Variants in SH3RF2 observed in about 807,000 individuals in gnomAD.
SH3RF2 encodes E3 ubiquitin-protein ligase SH3RF2.
A neutral mutation model predicts 59.0 loss-of-function variants in SH3RF2; 43 were observed. That is an observed-to-expected ratio of 0.73 (90% CI 0.57 to 0.94). The LOEUF (loss-of-function observed/expected upper bound fraction) is 0.94, where lower values mean the gene tolerates loss of function less well. Ranked by LOEUF, SH3RF2 falls within the 40% of genes least tolerant of loss-of-function variation. SH3RF2 has a pLI of 0.00. For synonymous variants in SH3RF2, 391 were observed against 391.5 expected (o/e 1.00, Z 0.01); for missense variants, 930 against 940.1 (o/e 0.99, Z 0.14).
intron 9 of SH3RF2, among the ~76,000 whole-genome samples, chr5:146,074,446 A>G (rs930330398): frequency 2.6e-4 from 40 of 152,102 alleles, no homozygotes; most frequent in African/African-American, 9.7e-4. Context: ...CCCCATCTCT[A>G]CAACGAGGGA....
At chr5:146,018,134 G>A (rs1170578963) in intron 5 of SH3RF2, among the ~76,000 whole-genome samples, 1 of 152,016 alleles carries the variant, frequency 6.6e-6, no homozygotes, top group African/African-American at 2.4e-5. Flanking sequence ...GGTACAAGTG[G>A]TTTTTGGTTA....
chr5:146,013,914 CT>C lies in SH3RF2; in HGVS notation c.914del (p.Leu305Ter). 6.2e-7 allele frequency: 1 copy of C among 1,614,120 alleles called. No individual in the cohort carries two copies. Among genetic ancestry groups the C allele is most frequent in the Non-Finnish European group, 8.5e-7 (1 of 1,180,022 alleles). Reference sequence around the variant, plus strand: ...CTGGGCAGTTTTCCATCACAACAGCCTTGAACACTCTCAACCGGATGGTCCA... The same window carrying C: ...CTGGGCAGTTTTCCATCACAACAGCCTGAACACTCTCAACCGGATGGTCCA... ...VPGQFSITTA[L>X]NTLNRMVHSP... On this transcript the variant is annotated frameshift_variant, in exon 5 of 10. Transcript: ENST00000359120. LOFTEE classifies it high-confidence loss of function.
intron 5 of SH3RF2, among the ~76,000 whole-genome samples, chr5:146,028,267 A>T (rs114013444): frequency 0.28 from 42,543 of 151,070 alleles, 7,703 homozygotes; most frequent in Non-Finnish European, 0.38. Flanking sequence ...GAAGGGCAAA[A>T]GAAAGGGAAA....
chr5:146,014,156 G>A, intron 5 of SH3RF2, 95 bp downstream of exon 5: 1 of 1,356,294 alleles, frequency 7.4e-7, no homozygotes, highest in Non-Finnish European at 1.0e-6. Context: ...TACTTGCTAA[G>A]CACCCAGAAT....
intron 2 of SH3RF2, among the ~76,000 whole-genome samples, chr5:145,963,419 T>C (rs540114979): frequency 3.9e-5 from 6 of 152,268 alleles, no homozygotes; most frequent in African/African-American, 1.2e-4. Flanking sequence ...CTGGGCAATA[T>C]AGTGAGACTC....
chr5:146,023,925 G>A (rs1274070742), intron 5 of SH3RF2, among the ~76,000 whole-genome samples: 1 of 152,078 alleles, frequency 6.6e-6, no homozygotes, highest in African/African-American at 2.4e-5. Context: ...CTCATGTTGC[G>A]GTATGTATTA....
At chr5:145,944,355 T>TTA (rs1474281834) in intron 2 of SH3RF2, among the ~76,000 whole-genome samples, 2 of 147,622 alleles carry the variant, frequency 1.4e-5, no homozygotes, top group South Asian at 2.1e-4. Flanking sequence ...TTTTTTTTTT[T>TTA]AAATTATGCT....
At position 146,049,200 on chromosome 5, in the gene SH3RF2, G is replaced by A. The variant is rs757995402; in HGVS notation, c.1277G>A (p.Gly426Glu). The A allele has an allele frequency of 6.2e-7, 1 of 1,613,822 alleles. No homozygotes were observed. The highest frequency in any genetic ancestry group is 8.5e-7 in the Non-Finnish European group (1 of 1,179,892). Reference sequence around the variant, plus strand: ...CTCAGGGGCGTCTCCTTGGTCACCGGGCGAGTCGGCATCTTCCCAAACAAT... The same window carrying A: ...CTCAGGGGCGTCTCCTTGGTCACCGAGCGAGTCGGCATCTTCCCAAACAAT... ...GWLRGVSLVT[G>E]RVGIFPNNYV... Residue 426 changes from glycine (G) to glutamate (E), a missense_variant, in exon 7 of 10, where the codon GGG becomes GAG. Coordinates refer to ENST00000359120, the MANE Select transcript of SH3RF2 (RefSeq NM_152550.4).
chr5:146,032,238 A>G (rs759272526), intron 5 of SH3RF2, among the ~76,000 whole-genome samples: 1 of 152,182 alleles, frequency 6.6e-6, no homozygotes, highest in African/African-American at 2.4e-5. Context: ...AGTGAAACAT[A>G]GTCTGGAAAG....
chr5:145,970,252 T>G (rs576054470), intron 2 of SH3RF2, among the ~76,000 whole-genome samples: 28 of 152,206 alleles, frequency 1.8e-4, no homozygotes, highest in South Asian at 4.2e-4. Flanking sequence ...CAATTTGTAG[T>G]TTTTTATCCT....
intron 2 of SH3RF2, among the ~76,000 whole-genome samples, chr5:145,963,716 A>T (rs1322238606): frequency 2.0e-5 from 3 of 152,116 alleles, no homozygotes; most frequent in Non-Finnish European, 4.4e-5. Context: ...GGAGACAGAG[A>T]CTGGAATTAA....
At chr5:145,956,624 C>A (rs766392589) in intron 2 of SH3RF2, among the ~76,000 whole-genome samples, 1 of 151,876 alleles carries the variant, frequency 6.6e-6, no homozygotes, top group Non-Finnish European at 1.5e-5. Flanking sequence ...GGGGAAGAAG[C>A]AAAGGGGTTA....
At chr5:146,081,324 A>G (rs1763422871) in exon 10 of SH3RF2, 1 of 152,044 alleles carries the variant, frequency 6.6e-6, no homozygotes, top group South Asian at 2.1e-4. Context: ...CTTCTAGAAG[A>G]CACCAGAAGT....
At chr5:145,982,949 CATA>C (rs1759561432) in intron 2 of SH3RF2, among the ~76,000 whole-genome samples, 1 of 152,128 alleles carries the variant, frequency 6.6e-6, no homozygotes, top group Non-Finnish European at 1.5e-5. Context: ...ACCAAATAGG[CATA>C]ATAATACCCC....
chr5:146,053,521 T>C (rs927202784), intron 7 of SH3RF2, among the ~76,000 whole-genome samples: 3 of 152,032 alleles, frequency 2.0e-5, no homozygotes, highest in Non-Finnish European at 2.9e-5. Context: ...TCAGCCAATA[T>C]GACATTCCCT....
intron 2 of SH3RF2, among the ~76,000 whole-genome samples, chr5:145,953,365 G>A (rs949144672): frequency 1.3e-5 from 2 of 152,146 alleles, no homozygotes; most frequent in African/African-American, 4.8e-5. Context: ...CTCAAAGAGT[G>A]GAGAGGACTT....
intron 5 of SH3RF2, among the ~76,000 whole-genome samples, chr5:146,023,892 C>T (rs1043024848): frequency 8.5e-5 from 13 of 152,108 alleles, no homozygotes; most frequent in African/African-American, 2.2e-4. Context: ...TGGTTTCTTT[C>T]GCTGAATATG....
chr5:145,948,403 G>A (rs1291481745), intron 2 of SH3RF2, among the ~76,000 whole-genome samples: 2 of 152,178 alleles, frequency 1.3e-5, no homozygotes, highest in Non-Finnish European at 2.9e-5. Flanking sequence ...GTGAGTCCTG[G>A]CCTCATGGCC....
intron 2 of SH3RF2, among the ~76,000 whole-genome samples, chr5:145,994,004 C>G (rs1270453808): frequency 1.3e-5 from 2 of 152,196 alleles, no homozygotes; most frequent in East Asian, 3.8e-4. Flanking sequence ...TAACAGCACC[C>G]AAGTCACCTC....
Sources: allele counts gnomAD v4.1 joint callset (sites outside exome capture counted in the v4.1 genomes callset), GRCh38; gene constraint gnomAD v4.1.1; transcripts MANE v1.5; gene names NCBI Gene and HGNC (gene_info 2026-07-23, HGNC 2026-07-21).